NKAIN2: variants seen among roughly 807,000 people sequenced by gnomAD.
NKAIN2 encodes sodium/potassium transporting ATPase interacting 2, also known as sodium/potassium-transporting ATPase subunit beta-1-interacting protein 2.
Under a neutral mutation model 32.6 loss-of-function variants are expected in NKAIN2, and 14 were observed. The ratio of observed to expected loss-of-function variants is 0.43; its 90% confidence interval spans 0.28 to 0.67. NKAIN2 has a LOEUF of 0.67. Among genes scored for constraint, NKAIN2 ranks in the 30% least tolerant of loss-of-function variants. The probability of loss-of-function intolerance (pLI) is 0.17; values close to 1 mark genes in which losing one functional copy is unlikely to be tolerated. For synonymous variants in NKAIN2, 80 were observed against 87.2 expected (o/e 0.92, Z 0.46); for missense variants, 198 against 258.3 (o/e 0.77, Z 1.60).
chr6:124,040,096 T>A (rs1781799819), intron 1 of NKAIN2, among the ~76,000 whole-genome samples: 1 of 152,054 alleles, frequency 6.6e-6, no homozygotes, highest in Non-Finnish European at 1.5e-5. Flanking sequence ...TAGCTAGAGT[T>A]GACCTATTAA....
intron 4 of NKAIN2, among the ~76,000 whole-genome samples, chr6:124,728,853 C>T (rs1169359817): frequency 1.3e-5 from 2 of 151,508 alleles, no homozygotes; most frequent in African/African-American, 4.9e-5. Context: ...CTAATAGACG[C>T]AATAAAAAAT....
intron 3 of NKAIN2, among the ~76,000 whole-genome samples, chr6:124,557,906 T>C (rs576760004): frequency 6.6e-6 from 1 of 152,370 alleles, no homozygotes; most frequent in South Asian, 2.1e-4. Context: ...ATAAAGGTGC[T>C]GTGATTTTAA....
intron 1 of NKAIN2, among the ~76,000 whole-genome samples, chr6:124,019,139 A>T (rs1369703017): frequency 6.6e-6 from 1 of 152,052 alleles, no homozygotes; most frequent in African/African-American, 2.4e-5. Context: ...CATGGGAAAG[A>T]CCCACCCACA....
At chr6:123,929,038 C>T (rs1429011227) in intron 1 of NKAIN2, among the ~76,000 whole-genome samples, 1 of 152,104 alleles carries the variant, frequency 6.6e-6, no homozygotes, top group African/African-American at 2.4e-5. Context: ...GGTTATGTTC[C>T]ATCCTATGTT....
chr6:123,836,256 C>T (rs1256563072), intron 1 of NKAIN2, among the ~76,000 whole-genome samples: 1 of 151,864 alleles, frequency 6.6e-6, no homozygotes, highest in Non-Finnish European at 1.5e-5. Flanking sequence ...GACAAAGTGA[C>T]TTATTTCCAA....
chr6:123,845,577 A>G (rs768416113), intron 1 of NKAIN2, among the ~76,000 whole-genome samples: 1 of 152,218 alleles, frequency 6.6e-6, no homozygotes, highest in Admixed American at 6.5e-5. Flanking sequence ...GGGCCCACCC[A>G]TAATCAGGTT....
intron 3 of NKAIN2, among the ~76,000 whole-genome samples, chr6:124,465,700 T>C (rs1776725207): frequency 6.6e-6 from 1 of 151,938 alleles, no homozygotes; most frequent in East Asian, 1.9e-4. Flanking sequence ...GATTGTGCTA[T>C]AGAAACTACA....
chr6:123,907,542 G>A (rs1265591560), intron 1 of NKAIN2, among the ~76,000 whole-genome samples: 1 of 152,068 alleles, frequency 6.6e-6, no homozygotes, highest in Non-Finnish European at 1.5e-5. Flanking sequence ...TTTTCCATGT[G>A]TTAATTCATT....
At chr6:123,907,193 A>G (rs1193015222) in intron 1 of NKAIN2, among the ~76,000 whole-genome samples, 1 of 152,162 alleles carries the variant, frequency 6.6e-6, no homozygotes, top group East Asian at 1.9e-4. Context: ...CTGAATACAA[A>G]ATTCATAGGA....
intron 1 of NKAIN2, among the ~76,000 whole-genome samples, chr6:123,986,504 G>T (rs951729909): frequency 5.3e-5 from 8 of 152,078 alleles, no homozygotes; most frequent in African/African-American, 1.9e-4. Flanking sequence ...TTACAGTGTA[G>T]TTAATAATCT....
intron 3 of NKAIN2, among the ~76,000 whole-genome samples, chr6:124,487,722 A>T (rs1404740474): frequency 2.0e-5 from 3 of 152,072 alleles, no homozygotes; most frequent in African/African-American, 7.2e-5. Flanking sequence ...TTAGAAGCAA[A>T]TGAAGGATTA....
At position 124,374,616 on chromosome 6, in the gene NKAIN2, G is replaced by A. The variant is rs182961301; in HGVS notation, c.273+19269G>A. 3.3e-5 allele frequency among the ~76,000 whole-genome samples: 5 copies of A among 152,164 alleles called. No individual in the cohort carries two copies. The South Asian group carries it at 6.2e-4, about 19-fold the overall frequency. On this transcript the variant is annotated intron_variant, in intron 3 of 6. Transcript: ENST00000368417. ...TCAATTTTCTGTATTGGTTTCTTACGCAACAAAGTTATAATTTTTCTTTGT... is the reference window on the plus strand; with the variant it reads ...TCAATTTTCTGTATTGGTTTCTTACACAACAAAGTTATAATTTTTCTTTGT...
At chr6:124,715,378 C>T (rs1347788795) in intron 4 of NKAIN2, among the ~76,000 whole-genome samples, 1 of 152,200 alleles carries the variant, frequency 6.6e-6, no homozygotes, top group East Asian at 1.9e-4. Context: ...GTTCACGCGT[C>T]TTCTGACCTG....
At chr6:124,127,397 T>C (rs1786226622) in intron 1 of NKAIN2, among the ~76,000 whole-genome samples, 1 of 152,220 alleles carries the variant, frequency 6.6e-6, no homozygotes. Flanking sequence ...TGCTTCATGA[T>C]GGCCTTGACT....
chr6:124,368,245 A>G (rs1241644311), intron 3 of NKAIN2, among the ~76,000 whole-genome samples: 1 of 152,126 alleles, frequency 6.6e-6, no homozygotes, highest in Non-Finnish European at 1.5e-5. Context: ...ATATTTCCAC[A>G]CAAATGTTGG....
At chr6:124,562,742 G>T (rs892537670) in intron 3 of NKAIN2, among the ~76,000 whole-genome samples, 2 of 151,956 alleles carry the variant, frequency 1.3e-5, no homozygotes, top group African/African-American at 4.8e-5. Flanking sequence ...TTTACCTTTT[G>T]CAAGTCTCCT....
chr6:124,615,673 A>G (rs1248706613), intron 3 of NKAIN2, among the ~76,000 whole-genome samples: 1 of 150,114 alleles, frequency 6.7e-6, no homozygotes, highest in African/African-American at 2.5e-5. Context: ...TATTTCTTCA[A>G]ATATTTTTTC....
intron 3 of NKAIN2, among the ~76,000 whole-genome samples, chr6:124,542,571 G>A (rs1220200708): frequency 6.6e-6 from 1 of 152,068 alleles, no homozygotes; most frequent in Non-Finnish European, 1.5e-5. Context: ...AACTGCCTAG[G>A]AAAAATTAAA....
At chr6:124,273,067 T>A (rs1044407264) in intron 1 of NKAIN2, among the ~76,000 whole-genome samples, 5 of 152,232 alleles carry the variant, frequency 3.3e-5, no homozygotes, top group Non-Finnish European at 7.3e-5. Context: ...ATTTTAGACT[T>A]GGACTTTTGG....
Sources: gnomAD v4.1 joint callset for allele counts (sites outside exome capture counted in the v4.1 genomes callset) on GRCh38, gnomAD v4.1.1 for gene constraint, MANE v1.5 for transcripts, NCBI Gene and HGNC (gene_info 2026-07-23, HGNC 2026-07-21) for gene names.